The following PHEX variants were observed in gnomAD, a reference collection of about 807,000 sequenced individuals.
PHEX encodes phosphate-regulating neutral endopeptidase PHEX.
A neutral mutation model predicts 68.0 loss-of-function variants in PHEX; 16 were observed. The observed-to-expected ratio is 0.24, with a 90% CI of 0.16 to 0.36. The LOEUF is 0.36. Among genes scored for constraint, PHEX ranks in the 10% least tolerant of loss-of-function variants. PHEX has a pLI of 1.00. For missense variants in PHEX, 480 were observed against 575.5 expected (o/e 0.83, Z 1.70); for synonymous variants, 208 against 205.1 (o/e 1.01, Z -0.12).
rs868172492 is a variant in PHEX, at chrX:22,196,134, A to G, written c.1645+5632A>G. Among the ~76,000 whole-genome samples the G allele has an allele frequency of 2.7e-5, 3 of 111,644 alleles. 1 individual carries two copies. Among genetic ancestry groups the G allele is most frequent in the African/African-American group, 9.8e-5 (3 of 30,508 alleles). ...TTTGAGACAGCAGTGAGCTATGATT[A>G]TGCCACTGTACTCCAGCCTGGGTGA... is the stretch of plus-strand genomic sequence containing the variant. On this transcript the variant is annotated intron_variant, in intron 15 of 21. Transcript: ENST00000379374.
intron 11 of PHEX, 134 bp from the exon 12 acceptor site, chrX:22,133,389 G>A: frequency 1.9e-6 from 1 of 514,009 alleles, no homozygotes. Context: ...CCAGAGCATG[G>A]AGTCAAGCTG....
chrX:22,115,588 C>A (rs553190062), intron 11 of PHEX, among the ~76,000 whole-genome samples: 1 of 111,958 alleles, frequency 8.9e-6, no homozygotes, highest in Admixed American at 9.5e-5. Flanking sequence ...TGATCAATAT[C>A]TCCCCATTTC....
chrX:22,235,037 C>A (rs1935924089), intron 20 of PHEX, among the ~76,000 whole-genome samples: 1 of 110,896 alleles, frequency 9.0e-6, no homozygotes, highest in Non-Finnish European at 1.9e-5. Context: ...GACTGGAGTG[C>A]ACGGTTCCTC....
rs372663150 is a variant in PHEX at position 22,097,027 on chromosome X, A to T, written c.922A>T (p.Met308Leu). The change falls in exon 8 of 22, where the codon ATG becomes TTG. Residue 308 changes from methionine to leucine, a missense_variant. Coordinates refer to ENST00000379374, the MANE Select transcript of PHEX (RefSeq NM_000444.6). ...NKMNISELSAMIPQFDWLGYI... is the reference protein window; with the variant it reads ...NKMNISELSALIPQFDWLGYI... Reference sequence around the variant, plus strand: ...AATGAACATTTCTGAACTGAGTGCTATGATTCCCCAGGTTGGTGAAAACTA... The same window carrying T: ...AATGAACATTTCTGAACTGAGTGCTTTGATTCCCCAGGTTGGTGAAAACTA... 8.4e-7 allele frequency: 1 copy of T among 1,190,699 alleles called. No individual in the cohort carries two copies. Among genetic ancestry groups the T allele is most frequent in the South Asian group, 1.8e-5 (1 of 56,512 alleles).
intron 9 of PHEX, among the ~76,000 whole-genome samples, chrX:22,102,148 G>A (rs1484937654): frequency 9.0e-6 from 1 of 111,675 alleles, no homozygotes; most frequent in African/African-American, 3.3e-5. Context: ...TGTTGTGCTA[G>A]CAACTACTAG....
At chrX:22,146,938 A>G (rs1218947526) in intron 12 of PHEX, among the ~76,000 whole-genome samples, 1 of 112,120 alleles carries the variant, frequency 8.9e-6, no homozygotes, top group Non-Finnish European at 1.9e-5. Context: ...TAGTTTAAAC[A>G]TGTACTGTAA....
At chrX:22,145,334 G>A (rs1214896131) in intron 12 of PHEX, among the ~76,000 whole-genome samples, 1 of 111,956 alleles carries the variant, frequency 8.9e-6, no homozygotes, top group African/African-American at 3.2e-5. Flanking sequence ...GGAGGGGCCC[G>A]GCGCAGAGGC....
chrX:22,077,266 G>A (rs1929190569), intron 4 of PHEX, among the ~76,000 whole-genome samples: 1 of 111,460 alleles, frequency 9.0e-6, no homozygotes, highest in South Asian at 3.8e-4. Context: ...AGAACACTAG[G>A]TATAGACAGT....
intron 11 of PHEX, among the ~76,000 whole-genome samples, chrX:22,128,149 C>T (rs946392006): frequency 2.7e-5 from 3 of 110,742 alleles, no homozygotes; most frequent in Non-Finnish European, 5.7e-5. Context: ...ACCTCCGCCT[C>T]GCGGGTTCAA....
intron 2 of PHEX, among the ~76,000 whole-genome samples, chrX:22,041,436 G>T (rs1339342978): frequency 9.2e-6 from 1 of 108,915 alleles, no homozygotes; most frequent in African/African-American, 3.4e-5. Context: ...CTAAATAACT[G>T]CCCAGGGTCT....
At chrX:22,115,318 G>A (rs1931188819) in intron 11 of PHEX, among the ~76,000 whole-genome samples, 1 of 112,232 alleles carries the variant, frequency 8.9e-6, no homozygotes, top group South Asian at 3.7e-4. Flanking sequence ...GCGACAGAGC[G>A]AGACTCTGTC....
intron 11 of PHEX, among the ~76,000 whole-genome samples, chrX:22,132,390 G>C (rs1932046874): frequency 8.9e-6 from 1 of 111,732 alleles, no homozygotes; most frequent in Admixed American, 9.5e-5. Context: ...TTATAGGGGT[G>C]AGCCACTGCC....
intron 16 of PHEX, among the ~76,000 whole-genome samples, chrX:22,215,689 A>T (rs1232994226): frequency 5.4e-5 from 6 of 110,992 alleles, no homozygotes; most frequent in Non-Finnish European, 7.5e-5. Context: ...TAACACAACT[A>T]CCTTTTTTGT....
chrX:22,063,263 C>T (rs1928454347), intron 3 of PHEX, among the ~76,000 whole-genome samples: 1 of 112,427 alleles, frequency 8.9e-6, no homozygotes, highest in African/African-American at 3.2e-5. Flanking sequence ...ATTAATTTCT[C>T]TCCATTTACA....
rs932844373 is a variant in PHEX at position 22,221,657 on chromosome X, A to G, written c.1813A>G (p.Thr605Ala). The change falls in exon 18 of 22, where the codon ACT becomes GCT. Residue 605 changes from threonine to alanine, a missense_variant. Transcript: ENST00000379374. ...KNGNLDPWWS[T>A]ESEEKFKEKT... Reference sequence around the variant, plus strand: ...TGGAAACCTGGATCCTTGGTGGTCTACTGAATCAGAAGAAAAGTTTAAGGA... The same window carrying G: ...TGGAAACCTGGATCCTTGGTGGTCTGCTGAATCAGAAGAAAAGTTTAAGGA... 5 of 1,194,753 alleles carry G rather than the reference A, an allele frequency of 4.2e-6. No individual in the cohort carries two copies. In the East Asian group the frequency reaches 8.9e-5, roughly 21 times the overall value.
At chrX:22,199,983 C>T (rs1231656436) in intron 15 of PHEX, among the ~76,000 whole-genome samples, 1 of 111,631 alleles carries the variant, frequency 9.0e-6, no homozygotes, top group Non-Finnish European at 1.9e-5. Context: ...ACTTTTCTAA[C>T]TTTTCCACTA....
intron 5 of PHEX, among the ~76,000 whole-genome samples, chrX:22,084,562 A>T (rs1929541355): frequency 1.1e-5 from 1 of 89,320 alleles, no homozygotes; most frequent in African/African-American, 4.3e-5. Context: ...TTTTTTTGGA[A>T]GAGTTTGAAT....
At chrX:22,101,628 C>T (rs1391031668) in intron 9 of PHEX, among the ~76,000 whole-genome samples, 1 of 111,408 alleles carries the variant, frequency 9.0e-6, no homozygotes, top group East Asian at 2.8e-4. Flanking sequence ...TTGGCATCCT[C>T]TCTATTCAGC....
intron 12 of PHEX, among the ~76,000 whole-genome samples, chrX:22,166,480 GT>G (rs1189414590): frequency 9.2e-6 from 1 of 109,152 alleles, no homozygotes; most frequent in Non-Finnish European, 1.9e-5. Flanking sequence ...TCTCCTTGTA[GT>G]TTTTTTCATT....
Sources: allele counts gnomAD v4.1 joint callset (sites outside exome capture counted in the v4.1 genomes callset), GRCh38; gene constraint gnomAD v4.1.1; transcripts MANE v1.5; gene names NCBI Gene and HGNC (gene_info 2026-07-23, HGNC 2026-07-21).